BRAF: variants seen among roughly 807,000 people sequenced by gnomAD.
BRAF encodes serine/threonine-protein kinase B-raf.
Under a neutral mutation model 104.6 loss-of-function variants are expected in BRAF, and 16 were observed. The observed-to-expected ratio is 0.15, with a 90% CI of 0.10 to 0.23. The LOEUF is 0.23. Ranked by LOEUF, BRAF falls within the 10% of genes least tolerant of loss-of-function variation. The probability of loss-of-function intolerance (pLI) is 1.00; values close to 1 mark genes in which losing one functional copy is unlikely to be tolerated. For missense variants in BRAF, 541 were observed against 937.3 expected (o/e 0.58, Z 5.52); for synonymous variants, 310 against 341.6 (o/e 0.91, Z 1.02).
At chr7:140,790,028 C>T (rs564732593) in intron 8 of BRAF, among the ~76,000 whole-genome samples, 1 of 152,286 alleles carries the variant, frequency 6.6e-6, no homozygotes, top group Admixed American at 6.5e-5. Context: ...CTGCACCCAG[C>T]CGATAAGATT....
At chr7:140,830,547 C>T (rs540166957) in intron 3 of BRAF, among the ~76,000 whole-genome samples, 1 of 152,240 alleles carries the variant, frequency 6.6e-6, no homozygotes, top group South Asian at 2.1e-4. Context: ...GTGGTAGGAG[C>T]ATCTTTTGTT....
intron 5 of BRAF, among the ~76,000 whole-genome samples, chr7:140,804,177 G>A (rs963641247): frequency 1.3e-5 from 2 of 151,852 alleles, no homozygotes; most frequent in Middle Eastern, 3.4e-3. Context: ...CACCACACTC[G>A]GCCTCTATAT....
rs555516920 is a variant in BRAF, at chr7:140,883,043, T to C, written c.139-32831A>G. Reference sequence around the variant, plus strand: ...ATAAATAAATAAATAAATAAATAAATAAATAAAGGACCTATCTTCTTCAAA... The same window carrying C: ...ATAAATAAATAAATAAATAAATAAACAAATAAAGGACCTATCTTCTTCAAA... On this transcript the variant is annotated intron_variant, in intron 1 of 19. Coordinates refer to ENST00000644969, the MANE Select transcript of BRAF (RefSeq NM_001374258.1). Among the ~76,000 whole-genome samples, 20 of 151,446 alleles carry C rather than the reference T, an allele frequency of 1.3e-4. 1 individual carries two copies. The highest frequency in any genetic ancestry group is 4.8e-4 in the African/African-American group (20 of 41,300).
At chr7:140,816,931 T>C (rs1562974563) in intron 3 of BRAF, among the ~76,000 whole-genome samples, 1 of 152,098 alleles carries the variant, frequency 6.6e-6, no homozygotes, top group Non-Finnish European at 1.5e-5. Context: ...ACCACTGTTA[T>C]TCGACACACT....
rs1814629804 is a variant in BRAF, at chr7:140,894,356, T to C, written c.138+30210A>G. ...AACAGAATTAGAAATCAAGAAGTCA[T>C]GGTTTTAAAGAATTAAAGGTGAATA... On this transcript the variant is annotated intron_variant, in intron 1 of 19. Coordinates refer to ENST00000644969, the MANE Select transcript of BRAF (RefSeq NM_001374258.1). Among the ~76,000 whole-genome samples the C allele has an allele frequency of 2.0e-5, 3 of 152,334 alleles. No homozygotes were observed. The South Asian group carries it at 6.2e-4, about 32-fold the overall frequency.
At chr7:140,783,720 G>A (rs996273652) in intron 10 of BRAF, among the ~76,000 whole-genome samples, 11 of 152,038 alleles carry the variant, frequency 7.2e-5, no homozygotes, top group African/African-American at 2.7e-4. Flanking sequence ...AAGAGATATT[G>A]GTCAGTATCA....
chr7:140,759,962 C>T (rs760483470), intron 14 of BRAF, among the ~76,000 whole-genome samples: 18 of 152,172 alleles, frequency 1.2e-4, no homozygotes, highest in Non-Finnish European at 2.4e-4. Context: ...CAGCAAGAAA[C>T]TAAGAACACA....
intron 19 of BRAF, chr7:140,733,445 T>C (rs1462954867): frequency 6.6e-6 from 1 of 152,238 alleles, no homozygotes; most frequent in Non-Finnish European, 1.5e-5. Context: ...GTGCTGTTGC[T>C]TTCTACTTTT....
At chr7:140,811,092 C>T (rs913118314) in intron 3 of BRAF, among the ~76,000 whole-genome samples, 2 of 152,138 alleles carry the variant, frequency 1.3e-5, no homozygotes, top group African/African-American at 2.4e-5. Context: ...TAATGTCAGC[C>T]GTGAGTTCAA....
chr7:140,725,283 C>T lies in BRAF; in HGVS notation c.*1211G>A. 1 of 1,040,302 alleles carries T rather than the reference C, an allele frequency of 9.6e-7. No individual in the cohort carries two copies. The highest frequency in any genetic ancestry group is 1.2e-6 in the Non-Finnish European group (1 of 862,546). 64.4% of individuals were successfully genotyped at this position (1,040,302 alleles called of 1,614,324 possible). ...ATGTTAGTGTGGATCCAGCAAGTAC[C>T]ATTAATTGAAAAATTATAAATATTT... is the stretch of plus-strand genomic sequence containing the variant. On this transcript the variant is annotated 3_prime_UTR_variant, in exon 20 of 20. Transcript: ENST00000644969.
chr7:140,850,352 TTC>T (rs1482027852), intron 1 of BRAF, 140 bp from the exon 2 acceptor site: 1 of 610,720 alleles, frequency 1.6e-6, no homozygotes, highest in African/African-American at 1.9e-5. Flanking sequence ...ACAGTGGTTT[TTC>T]TCTTTTATTA....
chr7:140,918,558 G>A (rs1004077681), intron 1 of BRAF, among the ~76,000 whole-genome samples: 1 of 152,136 alleles, frequency 6.6e-6, no homozygotes, highest in African/African-American at 2.4e-5. Flanking sequence ...ACTAAACAGA[G>A]CCCTGGGGTA....
chr7:140,843,336 C>T (rs1808190269), intron 2 of BRAF, among the ~76,000 whole-genome samples: 1 of 152,146 alleles, frequency 6.6e-6, no homozygotes, highest in African/African-American at 2.4e-5. Context: ...CTGCTGTGGT[C>T]TTGACAGAAA....
intron 1 of BRAF, among the ~76,000 whole-genome samples, chr7:140,896,449 C>T (rs1264133668): frequency 1.3e-5 from 2 of 152,004 alleles, no homozygotes; most frequent in Non-Finnish European, 2.9e-5. Flanking sequence ...AAAAACAGAG[C>T]TGGGAGTAGT....
intron 1 of BRAF, among the ~76,000 whole-genome samples, chr7:140,851,763 T>C (rs1048610851): frequency 1.3e-5 from 2 of 152,244 alleles, no homozygotes; most frequent in African/African-American, 2.4e-5. Flanking sequence ...TTCTAAACTT[T>C]TGCCAGTCTG....
Position 140,720,468 on chromosome 7 carries a change from G to C in BRAF, c.*6026C>G. 9.4e-7 allele frequency: 1 copy of C among 1,063,532 alleles called. No homozygotes were observed. Among genetic ancestry groups the C allele is most frequent in the Non-Finnish European group, 1.1e-6 (1 of 878,272 alleles). The allele number at this position is 1,063,532 out of a possible 1,614,324, so 65.9% of individuals were successfully genotyped here. A position where few individuals can be genotyped will look rare whatever the true frequency, so the allele number is the denominator to read the frequency against. Reference sequence around the variant, plus strand: ...GTTGGTCATTAACATGAATAAAAAGGCATTATATGTTGATATAGCTGGTTT... The same window carrying C: ...GTTGGTCATTAACATGAATAAAAAGCCATTATATGTTGATATAGCTGGTTT... On this transcript the variant is annotated 3_prime_UTR_variant, in exon 20 of 20. Coordinates refer to ENST00000644969, the MANE Select transcript of BRAF (RefSeq NM_001374258.1).
chr7:140,839,962 T>C (rs1384656359), intron 2 of BRAF, among the ~76,000 whole-genome samples: 1 of 152,132 alleles, frequency 6.6e-6, no homozygotes, highest in African/African-American at 2.4e-5. Flanking sequence ...AGCCACCAAC[T>C]TGACTGCCTG....
chr7:140,902,398 C>T (rs1368172714), intron 1 of BRAF, among the ~76,000 whole-genome samples: 2 of 152,128 alleles, frequency 1.3e-5, no homozygotes, highest in Admixed American at 1.3e-4. Context: ...GCCTCCTATT[C>T]CCTGAGATTT....
chr7:140,739,244 A>G (rs1247438243), intron 18 of BRAF, among the ~76,000 whole-genome samples: 3 of 152,142 alleles, frequency 2.0e-5, no homozygotes, highest in Admixed American at 6.5e-5. Context: ...ATTATTTTAC[A>G]AGCGTTAAGT....
Sources: gnomAD v4.1 joint callset for allele counts (sites outside exome capture counted in the v4.1 genomes callset) on GRCh38, gnomAD v4.1.1 for gene constraint, MANE v1.5 for transcripts, NCBI Gene and HGNC (gene_info 2026-07-23, HGNC 2026-07-21) for gene names.